ABCD3: variants seen among roughly 807,000 people sequenced by gnomAD.
The protein encoded by ABCD3 is ATP-binding cassette sub-family D member 3.
Under a neutral mutation model 105.5 loss-of-function variants are expected in ABCD3, and 41 were observed. That is an observed-to-expected ratio of 0.39 (90% CI 0.30 to 0.50). The LOEUF (loss-of-function observed/expected upper bound fraction) is 0.50, where lower values mean the gene tolerates loss of function less well. Ranked by LOEUF, ABCD3 falls within the 20% of genes least tolerant of loss-of-function variation. The pLI is 0.84. For synonymous variants in ABCD3, 258 were observed against 269.0 expected (o/e 0.96, Z 0.40); for missense variants, 622 against 806.3 (o/e 0.77, Z 2.77).
intron 21 of ABCD3, among the ~76,000 whole-genome samples, chr1:94,512,775 A>G (rs916190828): frequency 4.6e-5 from 7 of 152,084 alleles, no homozygotes; most frequent in Admixed American, 3.3e-4. Flanking sequence ...CATCTATACT[A>G]TGGTTAAATT....
chr1:94,468,294 T>C (rs1265643176), intron 4 of ABCD3, among the ~76,000 whole-genome samples: 1 of 152,182 alleles, frequency 6.6e-6, no homozygotes, highest in Non-Finnish European at 1.5e-5. Context: ...AAAATTAAAA[T>C]GCAGCATAAT....
intron 7 of ABCD3, 65 bp from the exon 8 acceptor site, chr1:94,478,194 G>A: frequency 1.0e-6 from 1 of 958,272 alleles, no homozygotes; most frequent in Non-Finnish European, 1.7e-6. Context: ...TAGTTAACAT[G>A]TTGTATTAGC....
At chr1:94,459,210 C>T (rs1035452711) in intron 2 of ABCD3, among the ~76,000 whole-genome samples, 3 of 151,798 alleles carry the variant, frequency 2.0e-5, no homozygotes, top group Non-Finnish European at 4.4e-5. Context: ...TTGCCTGGCT[C>T]TGTTTTCTCT....
intron 10 of ABCD3, among the ~76,000 whole-genome samples, chr1:94,485,574 A>AT (rs1186882080): frequency 6.6e-6 from 1 of 152,032 alleles, no homozygotes; most frequent in Non-Finnish European, 1.5e-5. Flanking sequence ...CATCCTTTAG[A>AT]TTTTCAGCCC....
chr1:94,438,282 TCACACACACACACACACATACACA>T (rs1307028299), intron 1 of ABCD3, among the ~76,000 whole-genome samples: 5 of 116,534 alleles, frequency 4.3e-5, no homozygotes, highest in Admixed American at 1.9e-4. Flanking sequence ...CAAGACTCCA[TCACACACACACACACACATACACA>T]CACACACACA....
At chr1:94,390,860 A>G in the ABCD3 span, among the ~76,000 whole-genome samples, 3 of 152,206 alleles carry the variant, frequency 2.0e-5, no homozygotes. Context: ...ACCGATTATG[A>G]GACATACTTG....
At chr1:94,437,556 A>G (rs1025022007) in intron 1 of ABCD3, among the ~76,000 whole-genome samples, 1 of 152,184 alleles carries the variant, frequency 6.6e-6, no homozygotes, top group African/African-American at 2.4e-5. Context: ...CTCATTGTCA[A>G]TGTACCTGGT....
intron 1 of ABCD3, among the ~76,000 whole-genome samples, chr1:94,457,956 T>G (rs1647662293): frequency 6.6e-6 from 1 of 152,074 alleles, no homozygotes; most frequent in Admixed American, 6.6e-5. Flanking sequence ...AACAAGAAAT[T>G]TAAAACGTGA....
chr1:94,480,348 A>T, intron 8 of ABCD3, 116 bp from the exon 9 acceptor site: 1 of 1,303,162 alleles, frequency 7.7e-7, no homozygotes, highest in Non-Finnish European at 1.1e-6. Flanking sequence ...ATTACCCAGT[A>T]GGGCAATTTC....
At chr1:94,415,089 C>T (rs1437291179), upstream of ABCD3, among the ~76,000 whole-genome samples, 1 of 152,198 alleles carries the variant, frequency 6.6e-6, no homozygotes. Context: ...TCTGTGGCAG[C>T]TGGCTTCCCC....
intron 1 of ABCD3, among the ~76,000 whole-genome samples, chr1:94,429,305 AC>A (rs1659585671): frequency 6.6e-6 from 1 of 152,216 alleles, no homozygotes; most frequent in Non-Finnish European, 1.5e-5. Context: ...GCCTGACAAT[AC>A]CACAGAAAAG....
chr1:94,438,301 TACACACACAC>T (rs58959540), intron 1 of ABCD3, among the ~76,000 whole-genome samples: 2,509 of 128,268 alleles, frequency 0.02, 21 homozygotes, highest in Middle Eastern at 0.024. Flanking sequence ...CACACACACA[TACACACACAC>T]ACACACACAC....
chr1:94,470,116 C>T (rs1648378157), intron 4 of ABCD3, among the ~76,000 whole-genome samples: 1 of 152,094 alleles, frequency 6.6e-6, no homozygotes, highest in Admixed American at 6.5e-5. Context: ...GGCAGATGCA[C>T]TCTTTTTCTG....
At chr1:94,498,575 A>G (rs751749908) in intron 16 of ABCD3, 27 bp from the exon 17 acceptor site, 1 of 1,584,726 alleles carries the variant, frequency 6.3e-7, no homozygotes, top group South Asian at 1.1e-5. Context: ...TAATTACTTC[A>G]CAGACTGATT....
the ABCD3 span, among the ~76,000 whole-genome samples, chr1:94,402,398 T>G: frequency 7.2e-5 from 11 of 152,238 alleles, no homozygotes; most frequent in Admixed American, 7.2e-4. Context: ...TTATAAATAT[T>G]TAACCTTTGC....
intron 10 of ABCD3, among the ~76,000 whole-genome samples, chr1:94,485,111 G>A (rs1649221884): frequency 6.6e-6 from 1 of 152,224 alleles, no homozygotes; most frequent in East Asian, 1.9e-4. Context: ...TTTGGACTAT[G>A]GGTCAGAGTT....
chr1:94,405,807 G>A, the ABCD3 span, among the ~76,000 whole-genome samples: 28 of 152,152 alleles, frequency 1.8e-4, no homozygotes, highest in East Asian at 5.4e-3. Context: ...AGTTTTATAA[G>A]TTCTTTATCA....
rs527684035 is a variant in ABCD3, at chr1:94,418,421, AGCCGCC to A, written c.-40_-35del. On this transcript the variant is annotated 5_prime_UTR_variant, in exon 1 of 23. Coordinates refer to ENST00000370214, the MANE Select transcript of ABCD3 (RefSeq NM_002858.4). ...TCCCCCGCGCTGCGTGCAGTAAGGT[AGCCGCC>A]GCCGCCGCCGCCGCCGCGTCCCCTC... 1.9e-4 allele frequency: 266 copies of A among 1,405,384 alleles called. No homozygotes were observed. The African/African-American group carries it at 2.9e-3, about 15-fold the overall frequency. The allele number at this position is 1,405,384 out of a possible 1,614,324, so 87.1% of individuals were successfully genotyped here.
At chr1:94,507,757 T>C (rs1175217331) in intron 21 of ABCD3, among the ~76,000 whole-genome samples, 13 of 151,258 alleles carry the variant, frequency 8.6e-5, no homozygotes, top group African/African-American at 3.2e-4. Context: ...GTGAGCATTG[T>C]TTCATGTGTT....
Sources: allele counts gnomAD v4.1 joint callset (sites outside exome capture counted in the v4.1 genomes callset), GRCh38; gene constraint gnomAD v4.1.1; transcripts MANE v1.5; gene names NCBI Gene and HGNC (gene_info 2026-07-23, HGNC 2026-07-21).